Variants in CPED1 observed in about 807,000 individuals in gnomAD.
The protein encoded by CPED1 is cadherin-like and PC-esterase domain-containing protein 1.
A neutral mutation model predicts 128.2 loss-of-function variants in CPED1; 114 were observed. That is an observed-to-expected ratio of 0.89 (90% CI 0.76 to 1.04). CPED1 has a LOEUF of 1.04. CPED1 is among the 50% of genes least tolerant of loss of function. The pLI, the probability that CPED1 is intolerant of heterozygous loss-of-function variation, is 0.00. For missense variants in CPED1, 1,211 were observed against 1,207.1 expected, an observed-to-expected ratio of 1.00 and a Z score of -0.05; for synonymous variants, 462 against 426.7, an observed-to-expected ratio of 1.08 and a Z score of -1.02.
At position 121,266,779 on chromosome 7, in the gene CPED1, C is replaced by T. The variant is rs540850098; in HGVS notation, c.2604C>T (p.His868=). 2.5e-6 allele frequency: 4 copies of T among 1,612,484 alleles called. No homozygotes were observed. Among genetic ancestry groups the T allele is most frequent in the South Asian group, 1.1e-5 (1 of 91,040 alleles). ...VGGVQWLNSN[H]LQIIHKVLKR... is the part of the protein sequence containing the mutation. ...GTGTTCAGTGGCTTAATTCCAATCA[C>T]CTGCAAATTATTCACAAAGTTTTGA... Residue 868 remains histidine, a synonymous_variant, in exon 20 of 23, where the codon CAC becomes CAT. Coordinates refer to ENST00000310396, the MANE Select transcript of CPED1 (RefSeq NM_024913.5).
intron 16 of CPED1, among the ~76,000 whole-genome samples, chr7:121,156,318 C>A (rs1273097398): frequency 1.7e-5 from 2 of 118,820 alleles, no homozygotes; most frequent in Admixed American, 1.1e-4. Flanking sequence ...ACCAGATGAT[C>A]CATCAGCCCA....
At chr7:121,196,530 G>A (rs1262750601) in intron 16 of CPED1, among the ~76,000 whole-genome samples, 2 of 152,114 alleles carry the variant, frequency 1.3e-5, no homozygotes, top group Admixed American at 6.6e-5. Flanking sequence ...AATTATTAAA[G>A]GGCAGATTTG....
chr7:121,192,111 A>C (rs1052910727), intron 16 of CPED1, among the ~76,000 whole-genome samples: 1 of 152,152 alleles, frequency 6.6e-6, no homozygotes, highest in Non-Finnish European at 1.5e-5. Flanking sequence ...TTGAATCTGC[A>C]ACTATTAACT....
chr7:121,254,125 A>C (rs1469658962), intron 18 of CPED1, among the ~76,000 whole-genome samples: 1 of 152,218 alleles, frequency 6.6e-6, no homozygotes. Context: ...TCATCTACAC[A>C]CAGAACATAT....
intron 7 of CPED1, among the ~76,000 whole-genome samples, chr7:121,117,141 C>A (rs927442649): frequency 6.8e-6 from 1 of 146,198 alleles, no homozygotes; most frequent in Admixed American, 6.8e-5. Context: ...CGCTCTGTCA[C>A]CCAGGCTGGA....
intron 5 of CPED1, among the ~76,000 whole-genome samples, chr7:121,077,653 C>T (rs73221276): frequency 0.079 from 11,845 of 150,698 alleles, 722 homozygotes; most frequent in African/African-American, 0.17. Flanking sequence ...CTCAATAATG[C>T]ATACATTATA....
chr7:121,214,456 C>T (rs1190155913), intron 16 of CPED1, among the ~76,000 whole-genome samples: 1 of 151,916 alleles, frequency 6.6e-6, no homozygotes, highest in Admixed American at 6.6e-5. Flanking sequence ...CCATGCCTGG[C>T]TAATTTGTTG....
intron 13 of CPED1, among the ~76,000 whole-genome samples, chr7:121,134,709 A>G (rs1439438503): frequency 6.6e-6 from 1 of 152,094 alleles, no homozygotes; most frequent in East Asian, 1.9e-4. Flanking sequence ...CCCCAGAATT[A>G]TGTGTCAATT....
At chr7:121,055,641 AGTTCAG>A (rs1219624479) in intron 4 of CPED1, among the ~76,000 whole-genome samples, 4 of 151,234 alleles carry the variant, frequency 2.6e-5, no homozygotes, top group Admixed American at 2.0e-4. Context: ...ACATTCATAT[AGTTCAG>A]TTTTTTTCTG....
In CPED1 at chr7:121,100,076, A is replaced by G; in HGVS notation, c.900A>G (p.Lys300=). 2 of 1,613,582 alleles carry G rather than the reference A, an allele frequency of 1.2e-6. No individual in the cohort carries two copies. The highest frequency in any genetic ancestry group is 2.2e-5 in the East Asian group (1 of 44,852). ...STGTVWNPPK[K]KRFTVKLQTF... is the part of the protein sequence containing the mutation. ...GCACAGTTTGGAATCCACCAAAGAA[A>G]AAACGCTTCACTGTCAAGGTAAGCT... Residue 300 remains lysine (K), a synonymous_variant, in exon 7 of 23, where the codon AAA becomes AAG. Coordinates refer to ENST00000310396, the MANE Select transcript of CPED1 (RefSeq NM_024913.5).
chr7:121,064,066 A>G (rs1225410373), intron 4 of CPED1, among the ~76,000 whole-genome samples, 172 bp from the exon 5 acceptor site: 1 of 152,178 alleles, frequency 6.6e-6, no homozygotes, highest in African/African-American at 2.4e-5. Flanking sequence ...TTATCAAATA[A>G]GCTACTTCAT....
intron 5 of CPED1, among the ~76,000 whole-genome samples, chr7:121,093,944 T>C (rs1224708616): frequency 6.6e-6 from 1 of 152,194 alleles, no homozygotes; most frequent in Non-Finnish European, 1.5e-5. Flanking sequence ...TTGACTCTGC[T>C]GTCTTCTGGG....
At chr7:121,098,926 T>C (rs1794771933) in intron 6 of CPED1, among the ~76,000 whole-genome samples, 1 of 150,424 alleles carries the variant, frequency 6.6e-6, no homozygotes, top group Non-Finnish European at 1.5e-5. Context: ...CAAATAATTA[T>C]ACATTTTGGT....
At chr7:121,095,171 G>A (rs1794670714) in intron 5 of CPED1, among the ~76,000 whole-genome samples, 2 of 152,128 alleles carry the variant, frequency 1.3e-5, no homozygotes, top group South Asian at 4.1e-4. Flanking sequence ...AGCATTGTTT[G>A]TAGGAGATTT....
chr7:121,215,096 C>T (rs1797730877), intron 16 of CPED1, among the ~76,000 whole-genome samples: 1 of 151,980 alleles, frequency 6.6e-6, no homozygotes, highest in Non-Finnish European at 1.5e-5. Context: ...CTTTCTTCTA[C>T]CCCTCTGTGT....
At chr7:121,117,004 A>G (rs1328376498) in intron 7 of CPED1, among the ~76,000 whole-genome samples, 1 of 148,240 alleles carries the variant, frequency 6.7e-6, no homozygotes, top group African/African-American at 2.5e-5. Flanking sequence ...ATATATACAC[A>G]CACACATATA....
intron 16 of CPED1, among the ~76,000 whole-genome samples, chr7:121,188,105 T>A (rs1329799085): frequency 1.3e-5 from 2 of 152,198 alleles, no homozygotes; most frequent in African/African-American, 4.8e-5. Context: ...AAATAGTGTT[T>A]GTCTTTTAGA....
intron 5 of CPED1, among the ~76,000 whole-genome samples, chr7:121,088,205 A>G (rs1276399377): frequency 2.0e-5 from 3 of 152,152 alleles, no homozygotes; most frequent in Non-Finnish European, 4.4e-5. Context: ...GTTAATTGAA[A>G]CAAGATGCTG....
chr7:121,283,759 G>A lies in CPED1; in HGVS notation c.2869-11681G>A, dbSNP rs150340277. Among the ~76,000 whole-genome samples, 413 of 152,194 alleles carry A rather than the reference G, an allele frequency of 2.7e-3. 2 individuals are homozygous for A. Among genetic ancestry groups the A allele is most frequent in the African/African-American group, 9.4e-3 (392 of 41,534 alleles). On this transcript the variant is annotated intron_variant, in intron 22 of 22. Coordinates refer to ENST00000310396, the MANE Select transcript of CPED1 (RefSeq NM_024913.5). The stretch of plus-strand genomic sequence containing the variant: ...GTCTAAGAGCACACATGCTGCAGCC[G>A]CCCCAGGCACTAATCATGGTGACTG...
Sources: gnomAD v4.1 joint callset for allele counts (sites outside exome capture counted in the v4.1 genomes callset) on GRCh38, gnomAD v4.1.1 for gene constraint, MANE v1.5 for transcripts, NCBI Gene and HGNC (gene_info 2026-07-23, HGNC 2026-07-21) for gene names.